MDFIC2: variants seen among roughly 807,000 people sequenced by gnomAD.
The protein encoded by MDFIC2 is MyoD family inhibitor domain containing 2.
intron 3 of MDFIC2, among the ~76,000 whole-genome samples, chr3:70,200,949 C>G (rs1472562233): frequency 7.0e-6 from 1 of 142,630 alleles, no homozygotes; most frequent in Admixed American, 7.0e-5. Flanking sequence ...ATCTACAGCC[C>G]TCTATACTTT....
chr3:70,285,247 C>G (rs2106686177), intron 2 of MDFIC2, among the ~76,000 whole-genome samples: 1 of 141,018 alleles, frequency 7.1e-6, no homozygotes, highest in African/African-American at 2.6e-5. Flanking sequence ...GTGATGTTCC[C>G]CTTCCTGTGT....
intron 2 of MDFIC2, among the ~76,000 whole-genome samples, chr3:70,255,161 G>T (rs1701803437): frequency 6.6e-6 from 1 of 152,134 alleles, no homozygotes; most frequent in Non-Finnish European, 1.5e-5. Context: ...TGGTATCAAA[G>T]AAGTTAATTT....
intron 2 of MDFIC2, among the ~76,000 whole-genome samples, chr3:70,216,917 C>T (rs1278942876): frequency 6.6e-6 from 1 of 152,114 alleles, no homozygotes; most frequent in African/African-American, 2.4e-5. Context: ...ACAGGGACCC[C>T]TTCCCCTCAC....
chr3:70,298,235 T>TCATA (rs1295998350), intron 2 of MDFIC2, among the ~76,000 whole-genome samples: 1 of 152,126 alleles, frequency 6.6e-6, no homozygotes, highest in East Asian at 1.9e-4. Context: ...CTTAATCTGA[T>TCATA]CATAGTTGAT....
chr3:70,215,622 C>T (rs1298472122), intron 2 of MDFIC2, among the ~76,000 whole-genome samples: 2 of 152,060 alleles, frequency 1.3e-5, no homozygotes, highest in Non-Finnish European at 2.9e-5. Context: ...GGTTGATATC[C>T]TTACTAGATC....
intron 2 of MDFIC2, among the ~76,000 whole-genome samples, chr3:70,226,711 C>A (rs1357553935): frequency 2.8e-5 from 4 of 145,118 alleles, no homozygotes; most frequent in Non-Finnish European, 5.9e-5. Context: ...CCACTCCAGC[C>A]TGGGCAACAG....
In MDFIC2 at chr3:70,238,667, G is replaced by T. The variant is rs138303307; in HGVS notation, c.89-31877C>A. On this transcript the variant is annotated intron_variant, in intron 2 of 3. Transcript: ENST00000567252. ...AACCCCCAAAAGGGGGCCAAGAAAAGAAAGTAAAGGCAGGGCACTTTAGCC... is the reference window on the plus strand; with the variant it reads ...AACCCCCAAAAGGGGGCCAAGAAAATAAAGTAAAGGCAGGGCACTTTAGCC... Among the ~76,000 whole-genome samples, 98 of 152,058 alleles carry T rather than the reference G, an allele frequency of 6.4e-4. No homozygotes were observed. The East Asian group carries it at 0.016, about 25-fold the overall frequency.
At chr3:70,306,042 A>G (rs1702396800) in intron 2 of MDFIC2, among the ~76,000 whole-genome samples, 1 of 152,284 alleles carries the variant, frequency 6.6e-6, no homozygotes, top group African/African-American at 2.4e-5. Flanking sequence ...TAACTTTTCT[A>G]TGTCAACACT....
At position 70,236,654 on chromosome 3, in the gene MDFIC2, G is replaced by A. The variant is rs1522339; in HGVS notation, c.89-29864C>T. On this transcript the variant is annotated intron_variant, in intron 2 of 3. Transcript: ENST00000567252. ...TCTGTCACCCAGGCTGGAGTGCAGC[G>A]GCACAATCATGGCTCGCTGCAGTCT... 4.8e-3 allele frequency among the ~76,000 whole-genome samples: 736 copies of A among 152,146 alleles called. 9 individuals are homozygous for A. Among genetic ancestry groups the A allele is most frequent in the African/African-American group, 0.016 (669 of 41,510 alleles).
chr3:70,290,861 G>T (rs1702230493), intron 2 of MDFIC2, among the ~76,000 whole-genome samples: 1 of 152,160 alleles, frequency 6.6e-6, no homozygotes, highest in African/African-American at 2.4e-5. Context: ...ACTAGGAAAG[G>T]GAACTCGCTG....
At chr3:70,198,218 T>A (rs1169681155) in intron 3 of MDFIC2, among the ~76,000 whole-genome samples, 1 of 152,096 alleles carries the variant, frequency 6.6e-6, no homozygotes, top group East Asian at 1.9e-4. Flanking sequence ...AGAGAAAAAA[T>A]TTCTCCTCTA....
intron 2 of MDFIC2, among the ~76,000 whole-genome samples, chr3:70,230,513 T>C (rs1331711286): frequency 1.5e-5 from 2 of 137,058 alleles, no homozygotes; most frequent in Non-Finnish European, 3.2e-5. Flanking sequence ...TATATATATA[T>C]ACAGTTTTGC....
chr3:70,295,308 A>G (rs939195419), intron 2 of MDFIC2, among the ~76,000 whole-genome samples: 2 of 152,196 alleles, frequency 1.3e-5, no homozygotes, highest in African/African-American at 4.8e-5. Context: ...AATGTTAAGC[A>G]ATTGACCAAG....
chr3:70,232,789 A>C (rs1345734262), intron 2 of MDFIC2, among the ~76,000 whole-genome samples: 1 of 152,152 alleles, frequency 6.6e-6, no homozygotes, highest in Non-Finnish European at 1.5e-5. Context: ...CTGACTTCTT[A>C]CTGGGTTGGA....
At chr3:70,252,120 T>C (rs1416524071) in intron 2 of MDFIC2, among the ~76,000 whole-genome samples, 1 of 152,190 alleles carries the variant, frequency 6.6e-6, no homozygotes, top group Non-Finnish European at 1.5e-5. Context: ...ATTCAGCTCA[T>C]ATAGATCTGA....
chr3:70,294,357 T>C (rs763618191), intron 2 of MDFIC2, among the ~76,000 whole-genome samples: 62 of 152,196 alleles, frequency 4.1e-4, no homozygotes, highest in Non-Finnish European at 6.3e-4. Context: ...GATTCAATTC[T>C]ATTTCAATTT....
intron 2 of MDFIC2, among the ~76,000 whole-genome samples, chr3:70,271,473 A>C (rs1384509240): frequency 6.6e-6 from 1 of 152,164 alleles, no homozygotes; most frequent in Non-Finnish European, 1.5e-5. Flanking sequence ...TGGAATTTGT[A>C]TGACAAATTT....
chr3:70,298,165 A>C (rs1702309209), intron 2 of MDFIC2, among the ~76,000 whole-genome samples: 1 of 152,144 alleles, frequency 6.6e-6, no homozygotes, highest in Non-Finnish European at 1.5e-5. Context: ...GCATCTAAAT[A>C]TCCTTAGGTT....
At chr3:70,203,844 C>G (rs547487891) in intron 3 of MDFIC2, among the ~76,000 whole-genome samples, 148 of 152,156 alleles carry the variant, frequency 9.7e-4, no homozygotes, top group African/African-American at 3.5e-3. Context: ...ATATTTCTGA[C>G]TTTCTTATCC....
Sources: gnomAD v4.1 joint callset for allele counts (sites outside exome capture counted in the v4.1 genomes callset) on GRCh38, gnomAD v4.1.1 for gene constraint, MANE v1.5 for transcripts, NCBI Gene and HGNC (gene_info 2026-07-23, HGNC 2026-07-21) for gene names.